The following ROPN1L variants were observed in gnomAD, a reference collection of about 807,000 sequenced individuals.
ROPN1L encodes rhophilin associated tail protein 1 like, also known as ropporin-1-like protein.
ROPN1L carries 23 observed loss-of-function variants against 22.7 expected under a neutral mutation model. That is an observed-to-expected ratio of 1.01 (90% CI 0.73 to 1.43). The LOEUF (loss-of-function observed/expected upper bound fraction) is 1.43. ROPN1L is among the 40% of genes most tolerant of loss of function. The probability of loss-of-function intolerance (pLI) is 0.00; values close to 1 mark genes in which losing one functional copy is unlikely to be tolerated. For synonymous variants in ROPN1L, 116 were observed against 117.8 expected, an observed-to-expected ratio of 0.98 and a Z score of 0.10; for missense variants, 271 against 291.5, an observed-to-expected ratio of 0.93 and a Z score of 0.51.
At chr5:10,455,834 G>A (rs112711457) in intron 3 of ROPN1L, among the ~76,000 whole-genome samples, 14 of 139,728 alleles carry the variant, frequency 1.0e-4, no homozygotes, top group African/African-American at 4.1e-4. Flanking sequence ...AACCAGTGCT[G>A]GGTCAGAGGC....
intron 3 of ROPN1L, among the ~76,000 whole-genome samples, chr5:10,454,761 C>A (rs551857792): frequency 6.6e-6 from 1 of 152,328 alleles, no homozygotes; most frequent in African/African-American, 2.4e-5. Flanking sequence ...TAGGGTTTAA[C>A]CGGGTGCGGG....
At chr5:10,465,897 C>T (rs1579661272), downstream of ROPN1L, among the ~76,000 whole-genome samples, 1 of 152,234 alleles carries the variant, frequency 6.6e-6, no homozygotes, top group South Asian at 2.1e-4. Flanking sequence ...TGGAGGGGCT[C>T]GCCCTTTGCT....
rs566708619 is a variant in ROPN1L, at chr5:10,445,638, C to A, written c.132-2622C>A. 8.5e-5 allele frequency among the ~76,000 whole-genome samples: 13 copies of A among 152,262 alleles called. No homozygotes were observed. The East Asian group carries it at 1.7e-3, about 20-fold the overall frequency. ...ACGGACATAACTGCTATAGAACAAG[C>A]AAGTAGGCTGAGCACGGTGGCTCAC... On this transcript the variant is annotated intron_variant, in intron 1 of 4. Transcript: ENST00000274134.
At position 10,455,028 on chromosome 5, in the gene ROPN1L, G is replaced by A. The variant is rs574743215; in HGVS notation, c.417+4915G>A. Among the ~76,000 whole-genome samples, 6 of 152,298 alleles carry A rather than the reference G, an allele frequency of 3.9e-5. No homozygotes were observed. In the South Asian group the frequency reaches 6.2e-4, roughly 16 times the overall value. On this transcript the variant is annotated intron_variant, in intron 3 of 4. Coordinates refer to ENST00000274134, the MANE Select transcript of ROPN1L (RefSeq NM_031916.5). ...TCGGAGAAGAACAACTCCTCGGGAC[G>A]ATCATCAAAATCATTTTGTGTCCTG...
chr5:10,475,415 T>C (rs1560932097), downstream of ROPN1L, among the ~76,000 whole-genome samples: 1 of 152,158 alleles, frequency 6.6e-6, no homozygotes, highest in Non-Finnish European at 1.5e-5. Flanking sequence ...TATAAAACTT[T>C]CCCTGTTCAA....
At chr5:10,456,580 C>T (rs747895491) in intron 3 of ROPN1L, among the ~76,000 whole-genome samples, 51 of 152,322 alleles carry the variant, frequency 3.3e-4, no homozygotes, top group Admixed American at 2.5e-3. Context: ...ACACAGCAGA[C>T]GGCAGCATGG....
intron 4 of ROPN1L, among the ~76,000 whole-genome samples, chr5:10,470,335 C>A (rs1368623651): frequency 6.6e-6 from 1 of 152,198 alleles, no homozygotes; most frequent in Non-Finnish European, 1.5e-5. Flanking sequence ...ATGAAGTGGA[C>A]AGAAGTAGGA....
chr5:10,462,077 C>T (rs1481717957), intron 4 of ROPN1L, among the ~76,000 whole-genome samples: 1 of 152,188 alleles, frequency 6.6e-6, no homozygotes, highest in Non-Finnish European at 1.5e-5. Context: ...ATCACCTAAG[C>T]CATCAGCCCC....
chr5:10,458,337 C>T (rs374221400), intron 3 of ROPN1L, among the ~76,000 whole-genome samples: 3 of 151,908 alleles, frequency 2.0e-5, no homozygotes, highest in Admixed American at 2.0e-4. Context: ...GGTGGTATAG[C>T]GTGTCCATGC....
rs369151125 is a variant in ROPN1L, at chr5:10,461,276, C to T, written c.510C>T (p.Tyr170=). The T allele has an allele frequency of 4.2e-5, 68 of 1,614,038 alleles. No individual in the cohort carries two copies. The highest frequency in any genetic ancestry group is 2.7e-4 in the African/African-American group (20 of 74,924). The change falls in exon 4 of 5, where the codon TAC becomes TAT. Residue 170 remains tyrosine, a synonymous_variant. Transcript: ENST00000274134. ...PARIPFKTFS[Y]VYRYLARLDS... is the part of the protein sequence containing the mutation. ...GCATCCCCTTCAAGACGTTTTCCTACGTTTACCGCTACTTGGCCAGATTAG... is the reference window on the plus strand; with the variant it reads ...GCATCCCCTTCAAGACGTTTTCCTATGTTTACCGCTACTTGGCCAGATTAG...
chr5:10,445,931 AAAAC>A (rs769506812), intron 1 of ROPN1L, among the ~76,000 whole-genome samples: 2 of 152,330 alleles, frequency 1.3e-5, no homozygotes, highest in African/African-American at 4.8e-5. Context: ...TAAAAAAGAA[AAAAC>A]AAACAAACAA....
downstream of ROPN1L, among the ~76,000 whole-genome samples, chr5:10,468,966 TAACACGGTGA>T (rs1735201493): frequency 6.6e-6 from 1 of 151,364 alleles, no homozygotes; most frequent in African/African-American, 2.4e-5. Flanking sequence ...CCATCCTGGC[TAACACGGTGA>T]AACCCCGTCT....
At chr5:10,468,957 C>T (rs1377662108), downstream of ROPN1L, among the ~76,000 whole-genome samples, 6 of 151,314 alleles carry the variant, frequency 4.0e-5, no homozygotes, top group South Asian at 6.3e-4. Flanking sequence ...AGATCGAGAC[C>T]ATCCTGGCTA....
rs932444225 is a variant in ROPN1L, at chr5:10,470,179, C to T, written n.886-1631C>T. On this transcript the variant is annotated intron_variant and non_coding_transcript_variant, in intron 4 of 4. Transcript: ENST00000510520. ...GGTCGATGAAACCCTTGTCAGCCTG[C>T]GGCTTTGTGCCTTAGCATCTCAAGA... Among the ~76,000 whole-genome samples the T allele has an allele frequency of 3.9e-5, 6 of 152,178 alleles. No individual in the cohort carries two copies. In the South Asian group the frequency reaches 6.2e-4, roughly 16 times the overall value.
At chr5:10,471,868 A>T (rs1307117592) in exon 5 of ROPN1L, 2 of 152,284 alleles carry the variant, frequency 1.3e-5, no homozygotes, top group Non-Finnish European at 2.9e-5. Context: ...CATGATACAC[A>T]GGTCAGCTAT....
downstream of ROPN1L, among the ~76,000 whole-genome samples, chr5:10,475,510 G>A (rs1735306253): frequency 6.6e-6 from 1 of 152,110 alleles, no homozygotes; most frequent in Admixed American, 6.5e-5. Context: ...CCAAGCACCA[G>A]GTGATAATTT....
chr5:10,459,391 T>TGGGTTCC (rs1561175222), intron 3 of ROPN1L, among the ~76,000 whole-genome samples: 1 of 151,192 alleles, frequency 6.6e-6, no homozygotes, highest in Non-Finnish European at 1.5e-5. Flanking sequence ...CCCTCATCAC[T>TGGGTTCC]TCTCTTCACA....
At chr5:10,455,152 C>T (rs1376979271) in intron 3 of ROPN1L, among the ~76,000 whole-genome samples, 1 of 152,204 alleles carries the variant, frequency 6.6e-6, no homozygotes, top group African/African-American at 2.4e-5. Flanking sequence ...TGTGCTACAG[C>T]ATGTCAGATT....
At chr5:10,473,445 C>T (rs919985611), downstream of ROPN1L, among the ~76,000 whole-genome samples, 14 of 152,220 alleles carry the variant, frequency 9.2e-5, no homozygotes, top group African/African-American at 3.1e-4. Context: ...TGCTTGGAGC[C>T]ACCAGAAGTT....
Sources: gnomAD v4.1 joint callset for allele counts (sites outside exome capture counted in the v4.1 genomes callset) on GRCh38, gnomAD v4.1.1 for gene constraint, MANE v1.5 for transcripts, NCBI Gene and HGNC (gene_info 2026-07-23, HGNC 2026-07-21) for gene names.